CDH12: variants seen among roughly 807,000 people sequenced by gnomAD.
CDH12 encodes cadherin 12.
CDH12 carries 41 observed loss-of-function variants against 74.1 expected under a neutral mutation model. The ratio of observed to expected loss-of-function variants is 0.55; its 90% CI spans 0.43 to 0.72. The LOEUF (loss-of-function observed/expected upper bound fraction) is 0.72, where lower values mean the gene tolerates loss of function less well. CDH12 is among the 30% of genes least tolerant of loss of function. The pLI, the probability that CDH12 is intolerant of heterozygous loss-of-function variation, is 0.00. For missense variants in CDH12, 945 were observed against 977.2 expected (o/e 0.97, Z 0.44); for synonymous variants, 399 against 355.0 (o/e 1.12, Z -1.39).
chr5:21,882,460 A>T, intron 6 of CDH12: 1 of 651,406 alleles, frequency 1.5e-6, no homozygotes, highest in South Asian at 1.8e-5. Flanking sequence ...AGATGTCTGT[A>T]TGTTCCATTT....
chr5:21,981,503 A>G (rs1164881780), intron 5 of CDH12, among the ~76,000 whole-genome samples: 1 of 151,878 alleles, frequency 6.6e-6, no homozygotes, highest in Non-Finnish European at 1.5e-5. Flanking sequence ...CTTCAATACA[A>G]TGTTTACAGT....
chr5:22,785,694 C>G (rs1172642766), intron 1 of CDH12, among the ~76,000 whole-genome samples: 1 of 151,840 alleles, frequency 6.6e-6, no homozygotes, highest in Admixed American at 6.6e-5. Context: ...ATTTTTGCAC[C>G]TTTTGTAGAG....
chr5:22,735,380 T>C (rs966283328), intron 1 of CDH12, among the ~76,000 whole-genome samples: 2 of 151,898 alleles, frequency 1.3e-5, no homozygotes, highest in Non-Finnish European at 2.9e-5. Flanking sequence ...TACACACACA[T>C]ATATACACAG....
chr5:21,966,318 T>C (rs903684491), intron 6 of CDH12, among the ~76,000 whole-genome samples: 1 of 152,144 alleles, frequency 6.6e-6, no homozygotes, highest in Non-Finnish European at 1.5e-5. Context: ...AAGGACCAGA[T>C]AGTAAATATT....
chr5:22,043,950 G>A (rs1409091656), intron 5 of CDH12, among the ~76,000 whole-genome samples: 1 of 152,068 alleles, frequency 6.6e-6, no homozygotes, highest in African/African-American at 2.4e-5. Flanking sequence ...TTACAAATAA[G>A]TGGAAAAATA....
intron 3 of CDH12, among the ~76,000 whole-genome samples, chr5:22,346,592 T>G (rs1182663406): frequency 1.3e-5 from 2 of 152,202 alleles, no homozygotes; most frequent in African/African-American, 2.4e-5. Context: ...ATTTCAACAT[T>G]AATTAAAAAT....
intron 3 of CDH12, among the ~76,000 whole-genome samples, chr5:22,391,602 T>C (rs1303275302): frequency 1.3e-5 from 2 of 152,148 alleles, no homozygotes; most frequent in Non-Finnish European, 2.9e-5. Context: ...ATAGTAAATA[T>C]ATTACATAAA....
intron 1 of CDH12, among the ~76,000 whole-genome samples, chr5:22,661,549 A>G (rs570612626): frequency 6.6e-6 from 1 of 152,124 alleles, no homozygotes; most frequent in Admixed American, 6.6e-5. Flanking sequence ...TAACCTTAAA[A>G]TTTATTTCAG....
intron 1 of CDH12, among the ~76,000 whole-genome samples, chr5:22,597,492 GA>G (rs1397912343): frequency 6.6e-6 from 1 of 152,034 alleles, no homozygotes; most frequent in African/African-American, 2.4e-5. Context: ...CCTCTGCCTG[GA>G]CTCATCTTCC....
At chr5:21,841,141 G>T (rs1749823068) in intron 8 of CDH12, among the ~76,000 whole-genome samples, 1 of 152,032 alleles carries the variant, frequency 6.6e-6, no homozygotes, top group Admixed American at 6.6e-5. Context: ...AATCTACGAT[G>T]AACTCAAACA....
intron 6 of CDH12, among the ~76,000 whole-genome samples, chr5:21,973,915 G>T (rs1438390598): frequency 1.3e-5 from 2 of 152,060 alleles, no homozygotes; most frequent in African/African-American, 4.8e-5. Flanking sequence ...AAGTGTAGCA[G>T]GTACTGAATA....
chr5:21,768,989 C>T (rs949343499), intron 11 of CDH12, among the ~76,000 whole-genome samples: 19 of 151,884 alleles, frequency 1.3e-4, no homozygotes, highest in African/African-American at 4.1e-4. Context: ...AGAACAATCT[C>T]CATATTAATA....
At chr5:22,466,092 C>A (rs1324777800) in intron 2 of CDH12, among the ~76,000 whole-genome samples, 1 of 152,108 alleles carries the variant, frequency 6.6e-6, no homozygotes, top group Non-Finnish European at 1.5e-5. Flanking sequence ...AAGTAAGTGG[C>A]CATCTTACTT....
At chr5:22,758,916 T>C (rs918401460) in intron 1 of CDH12, among the ~76,000 whole-genome samples, 2 of 152,212 alleles carry the variant, frequency 1.3e-5, no homozygotes, top group African/African-American at 4.8e-5. Flanking sequence ...CAAGTACTCA[T>C]TTCCAACCTC....
At chr5:22,242,343 G>A (rs1752779653) in intron 3 of CDH12, among the ~76,000 whole-genome samples, 1 of 152,088 alleles carries the variant, frequency 6.6e-6, no homozygotes, top group African/African-American at 2.4e-5. Context: ...ATTTTAAAAT[G>A]ACACTTCTAT....
intron 2 of CDH12, among the ~76,000 whole-genome samples, chr5:22,450,794 A>T (rs1402678578): frequency 6.6e-6 from 1 of 151,776 alleles, no homozygotes; most frequent in Non-Finnish European, 1.5e-5. Context: ...TCAGTCTTGG[A>T]ACCTAAAGAT....
At chr5:22,422,662 G>A (rs1181945661) in intron 2 of CDH12, among the ~76,000 whole-genome samples, 1 of 152,016 alleles carries the variant, frequency 6.6e-6, no homozygotes, top group Non-Finnish European at 1.5e-5. Context: ...GTGATGGTGG[G>A]AAAAATTTGT....
chr5:22,757,572 GA>G lies in CDH12; in HGVS notation c.-523+95485del, dbSNP rs1478942382. Among the ~76,000 whole-genome samples the G allele has an allele frequency of 5.3e-5, 8 of 151,952 alleles. No individual in the cohort carries two copies. The East Asian group carries it at 1.5e-3, about 29-fold the overall frequency. ...TATTATTCAGATGTTTTCATTAAAAGAAAAAAAGATTGTTAACATACATGGA... is the reference window on the plus strand; with the variant it reads ...TATTATTCAGATGTTTTCATTAAAAGAAAAAAGATTGTTAACATACATGGA... On this transcript the variant is annotated intron_variant, in intron 1 of 14. Coordinates refer to ENST00000382254, the MANE Select transcript of CDH12 (RefSeq NM_004061.5).
At chr5:21,973,047 TAAA>T (rs746404771) in intron 6 of CDH12, among the ~76,000 whole-genome samples, 5 of 103,612 alleles carry the variant, frequency 4.8e-5, no homozygotes, top group African/African-American at 6.6e-5. Flanking sequence ...CTACAAAAAG[TAAA>T]AAAAAAAAAA....
Sources: gnomAD v4.1 joint callset for allele counts (sites outside exome capture counted in the v4.1 genomes callset) on GRCh38, gnomAD v4.1.1 for gene constraint, MANE v1.5 for transcripts, NCBI Gene and HGNC (gene_info 2026-07-23, HGNC 2026-07-21) for gene names.